TMTC2: variants seen among roughly 807,000 people sequenced by gnomAD.
TMTC2 encodes transmembrane O-mannosyltransferase targeting cadherins 2.
Under a neutral mutation model 82.4 loss-of-function variants are expected in TMTC2, and 43 were observed. The ratio of observed to expected loss-of-function variants is 0.52; its 90% CI spans 0.41 to 0.67. The LOEUF (loss-of-function observed/expected upper bound fraction) is 0.67, where lower values mean the gene tolerates loss of function less well. Ranked by LOEUF, TMTC2 falls within the 30% of genes least tolerant of loss-of-function variation. The pLI, the probability that TMTC2 is intolerant of heterozygous loss-of-function variation, is 0.00. For missense variants in TMTC2, 919 were observed against 1,012.4 expected (o/e 0.91, Z 1.25); for synonymous variants, 408 against 381.9 (o/e 1.07, Z -0.80).
intron 1 of TMTC2, among the ~76,000 whole-genome samples, chr12:82,813,243 C>T (rs1868505395): frequency 6.6e-6 from 1 of 152,098 alleles, no homozygotes; most frequent in Admixed American, 6.6e-5. Context: ...TACTCTGTAA[C>T]AGCAGCTGGT....
intron 4 of TMTC2, among the ~76,000 whole-genome samples, chr12:82,962,899 T>C (rs1214348091): frequency 6.6e-6 from 1 of 151,996 alleles, no homozygotes; most frequent in Non-Finnish European, 1.5e-5. Context: ...CATTTTCTTT[T>C]TCATTCTGTG....
chr12:83,077,452 C>T (rs1262588744), intron 11 of TMTC2, among the ~76,000 whole-genome samples: 1 of 152,150 alleles, frequency 6.6e-6, no homozygotes, highest in Non-Finnish European at 1.5e-5. Flanking sequence ...AAAACACACT[C>T]AGGTTTATAA....
At chr12:82,920,888 C>T (rs998069456) in intron 3 of TMTC2, among the ~76,000 whole-genome samples, 2 of 152,124 alleles carry the variant, frequency 1.3e-5, no homozygotes, top group Non-Finnish European at 2.9e-5. Context: ...CAGCCGGCAT[C>T]TTTGAGCAAC....
chr12:82,857,014 G>T lies in TMTC2; in HGVS notation c.88G>T (p.Ala30Ser). 6.2e-7 allele frequency: 1 copy of T among 1,605,372 alleles called. No homozygotes were observed. ...SADFCYDDSR[A>S]IKTNQDLLPE... ...TTTTAACGTTTTGTTTTTTAGCCGT[G>T]CTATCAAGACTAATCAGGACCTTCT... Residue 30 changes from alanine (A) to serine (S), a missense_variant, in exon 2 of 12, where the codon GCT becomes TCT. Transcript: ENST00000321196.
intron 9 of TMTC2, among the ~76,000 whole-genome samples, chr12:83,045,008 G>T (rs1005371510): frequency 7.2e-5 from 11 of 152,144 alleles, no homozygotes; most frequent in African/African-American, 2.7e-4. Context: ...ACGAAAGATT[G>T]GTCTTCACAA....
chr12:82,958,333 T>A (rs1877721787), intron 4 of TMTC2, among the ~76,000 whole-genome samples: 1 of 122,564 alleles, frequency 8.2e-6, no homozygotes, highest in Non-Finnish European at 1.6e-5. Context: ...CCAGCCTAGG[T>A]GACAGAGCAA....
intron 1 of TMTC2, among the ~76,000 whole-genome samples, chr12:82,731,551 G>A (rs1299293676): frequency 6.6e-6 from 1 of 152,186 alleles, no homozygotes; most frequent in East Asian, 1.9e-4. Context: ...TAACAAAACT[G>A]TAGGCATCAG....
At chr12:82,929,107 C>G (rs1167395976) in intron 3 of TMTC2, among the ~76,000 whole-genome samples, 1 of 152,050 alleles carries the variant, frequency 6.6e-6, no homozygotes, top group African/African-American at 2.4e-5. Context: ...GAGGGCCTCA[C>G]TCTGTCGCCC....
intron 2 of TMTC2, among the ~76,000 whole-genome samples, chr12:82,884,807 A>G (rs529632950): frequency 1.3e-5 from 2 of 152,108 alleles, no homozygotes; most frequent in East Asian, 3.9e-4. Flanking sequence ...ACCTAATGTC[A>G]TTTTTCAGTT....
intron 2 of TMTC2, among the ~76,000 whole-genome samples, chr12:82,891,742 A>T (rs978781146): frequency 3.9e-5 from 6 of 152,116 alleles, no homozygotes; most frequent in African/African-American, 1.2e-4. Context: ...CAGGATATAC[A>T]GGTTTGTTAC....
chr12:82,786,648 T>G (rs1878189539), intron 1 of TMTC2, among the ~76,000 whole-genome samples: 1 of 152,136 alleles, frequency 6.6e-6, no homozygotes, highest in Non-Finnish European at 1.5e-5. Context: ...CTCTTATTAC[T>G]GGGAATTCCT....
intron 1 of TMTC2, among the ~76,000 whole-genome samples, chr12:82,834,534 T>G (rs547448657): frequency 6.6e-6 from 1 of 152,202 alleles, no homozygotes; most frequent in African/African-American, 2.4e-5. Flanking sequence ...CAATGATAGG[T>G]ACAGAGTAAT....
chr12:83,068,707 T>C (rs572838047), intron 11 of TMTC2, among the ~76,000 whole-genome samples: 1 of 152,302 alleles, frequency 6.6e-6, no homozygotes, highest in African/African-American at 2.4e-5. Flanking sequence ...TTTTGTTTAT[T>C]TTTTTATTTA....
intron 7 of TMTC2, among the ~76,000 whole-genome samples, chr12:82,975,247 T>G (rs937597523): frequency 1.3e-5 from 2 of 152,326 alleles, no homozygotes; most frequent in Non-Finnish European, 2.9e-5. Context: ...ACTAATTGTA[T>G]GTATTTTGCT....
intron 7 of TMTC2, among the ~76,000 whole-genome samples, chr12:82,970,911 T>A (rs1047649986): frequency 6.6e-6 from 1 of 152,218 alleles, no homozygotes; most frequent in Non-Finnish European, 1.5e-5. Context: ...ATAGAGTGCT[T>A]CCTCCAAATT....
At chr12:83,045,767 G>C (rs983005600) in intron 9 of TMTC2, among the ~76,000 whole-genome samples, 1 of 75,674 alleles carries the variant, frequency 1.3e-5, no homozygotes, top group Admixed American at 1.2e-4. Context: ...AGTGTCTGGC[G>C]ACCATCAGGA....
chr12:82,831,566 G>C (rs376938054), intron 1 of TMTC2, among the ~76,000 whole-genome samples: 31 of 152,054 alleles, frequency 2.0e-4, no homozygotes, highest in African/African-American at 7.5e-4. Flanking sequence ...TGTTTTGGGA[G>C]GTTTCTTCTT....
At chr12:82,915,420 A>G (rs985310064) in intron 3 of TMTC2, among the ~76,000 whole-genome samples, 1 of 152,222 alleles carries the variant, frequency 6.6e-6, no homozygotes, top group African/African-American at 2.4e-5. Flanking sequence ...GTTGTACCCA[A>G]ATCTAACTGG....
At chr12:82,946,749 T>TTC (rs1555200015) in intron 4 of TMTC2, among the ~76,000 whole-genome samples, 6 of 149,576 alleles carry the variant, frequency 4.0e-5, no homozygotes, top group Admixed American at 3.3e-4. Flanking sequence ...TCTTTTCTTT[T>TTC]TTTTTTTTTT....
Sources: gnomAD v4.1 joint callset for allele counts (sites outside exome capture counted in the v4.1 genomes callset) on GRCh38, gnomAD v4.1.1 for gene constraint, MANE v1.5 for transcripts, NCBI Gene and HGNC (gene_info 2026-07-23, HGNC 2026-07-21) for gene names.